The following GIN1 variants were observed in gnomAD, a reference collection of about 807,000 sequenced individuals.
The protein encoded by GIN1 is gypsy retrotransposon integrase-like protein 1.
A neutral mutation model predicts 51.4 loss-of-function variants in GIN1; 41 were observed. The observed-to-expected ratio is 0.80, with a 90% CI of 0.62 to 1.04. The LOEUF is 1.04. Ranked by LOEUF, GIN1 falls within the 50% of genes least tolerant of loss-of-function variation. The pLI is 0.00. For missense variants in GIN1, 610 were observed against 612.4 expected (o/e 1.00, Z 0.04); for synonymous variants, 222 against 206.5 (o/e 1.07, Z -0.64).
At position 103,095,171 on chromosome 5, in the gene GIN1, A is replaced by G. The variant is rs1404726391; in HGVS notation, c.1294+1370T>C. Among the ~76,000 whole-genome samples, 7 of 152,346 alleles carry G rather than the reference A, an allele frequency of 4.6e-5. No individual in the cohort carries two copies. In the East Asian group the frequency reaches 1.2e-3, roughly 25 times the overall value. ...ATAAATATATTTTCCATTAAATGTT[A>G]CTTATATCCAAATAATATTAATGTT... On this transcript the variant is annotated intron_variant, in intron 7 of 7. Coordinates refer to ENST00000399004, the MANE Select transcript of GIN1 (RefSeq NM_017676.2).
chr5:103,119,844 C>G (rs1788341049), intron 1 of GIN1, among the ~76,000 whole-genome samples: 1 of 152,184 alleles, frequency 6.6e-6, no homozygotes, highest in Admixed American at 6.5e-5. Flanking sequence ...GGCACCTCCC[C>G]AGGCCCGAAA....
At chr5:103,116,682 C>T (rs1318852865) in intron 1 of GIN1, among the ~76,000 whole-genome samples, 1 of 151,992 alleles carries the variant, frequency 6.6e-6, no homozygotes, top group Admixed American at 6.6e-5. Context: ...ATCTGCAATA[C>T]ATACATATGA....
rs1400142374 is a variant in GIN1 at position 103,117,736 on chromosome 5, T to C, written c.-8+2328A>G. Among the ~76,000 whole-genome samples the C allele has an allele frequency of 5.3e-5, 8 of 152,118 alleles. No individual in the cohort carries two copies. The East Asian group carries it at 1.3e-3, about 26-fold the overall frequency. ...CAAATAGTTATGCAGTATTTTACTATGATAATCCTCACAGTACTTCATGAA... is the reference window on the plus strand; with the variant it reads ...CAAATAGTTATGCAGTATTTTACTACGATAATCCTCACAGTACTTCATGAA... On this transcript the variant is annotated intron_variant, in intron 1 of 7. Transcript: ENST00000399004.
At chr5:103,091,796 G>A (rs1007538653) in intron 7 of GIN1, among the ~76,000 whole-genome samples, 4 of 151,896 alleles carry the variant, frequency 2.6e-5, no homozygotes, top group East Asian at 1.9e-4. Context: ...AGGCCAAGGC[G>A]GGTGGATCAC....
chr5:103,101,282 G>T (rs1787566818), intron 4 of GIN1, among the ~76,000 whole-genome samples: 1 of 152,218 alleles, frequency 6.6e-6, no homozygotes, highest in Admixed American at 6.5e-5. Context: ...AGATATGCTA[G>T]ACAAAGAGAT....
At chr5:103,097,828 A>AT in intron 4 of GIN1, 47 bp from the exon 5 acceptor site, 2 of 762,816 alleles carry the variant, frequency 2.6e-6, no homozygotes, top group Non-Finnish European at 2.1e-6. Context: ...TTTGTGTTTT[A>AT]TTTTTCCATT....
At chr5:103,092,045 G>A (rs1193874535) in intron 7 of GIN1, among the ~76,000 whole-genome samples, 10 of 151,946 alleles carry the variant, frequency 6.6e-5, no homozygotes, top group African/African-American at 2.4e-4. Flanking sequence ...AAAAGATGGG[G>A]TCTCACTCTG....
chr5:103,115,066 G>A (rs1787994287), intron 1 of GIN1, among the ~76,000 whole-genome samples: 1 of 152,184 alleles, frequency 6.6e-6, no homozygotes, highest in Non-Finnish European at 1.5e-5. Context: ...GGAGCTACAA[G>A]ATAGTTGCTA....
intron 1 of GIN1, among the ~76,000 whole-genome samples, chr5:103,112,686 C>T (rs868989399): frequency 2.1e-4 from 32 of 152,126 alleles, no homozygotes; most frequent in South Asian, 2.1e-4. Context: ...GCAAGTGTTC[C>T]ATGATCTCTG....
chr5:103,097,564 G>C, intron 5 of GIN1, 26 bp downstream of exon 5: 1 of 1,527,360 alleles, frequency 6.5e-7, no homozygotes, highest in Non-Finnish European at 9.1e-7. Context: ...TAACTCAGAA[G>C]TACAGAATTA....
At chr5:103,098,825 T>A (rs1187951394) in intron 4 of GIN1, among the ~76,000 whole-genome samples, 1 of 152,190 alleles carries the variant, frequency 6.6e-6, no homozygotes, top group African/African-American at 2.4e-5. Context: ...AAGTTAATGT[T>A]TAAAAAGCAT....
At chr5:103,089,465 C>CTCAT (rs1434431384) in intron 7 of GIN1, among the ~76,000 whole-genome samples, 14 of 149,058 alleles carry the variant, frequency 9.4e-5, no homozygotes, top group East Asian at 4.0e-4. Flanking sequence ...CATTCATTCA[C>CTCAT]TCATTCATTC....
intron 1 of GIN1, among the ~76,000 whole-genome samples, chr5:103,118,150 T>A (rs1402309245): frequency 6.6e-6 from 1 of 152,154 alleles, no homozygotes; most frequent in Admixed American, 6.5e-5. Context: ...GAATTAAAAA[T>A]TATAGCAAAT....
chr5:103,096,185 T>C (rs1245066107), intron 7 of GIN1, among the ~76,000 whole-genome samples: 1 of 150,588 alleles, frequency 6.6e-6, no homozygotes, highest in Non-Finnish European at 1.5e-5. Context: ...CTACTAAAAA[T>C]ACAAAAAATT....
intron 3 of GIN1, among the ~76,000 whole-genome samples, 154 bp from the exon 4 acceptor site, chr5:103,105,000 C>T (rs1583125686): frequency 6.6e-6 from 1 of 152,086 alleles, no homozygotes; most frequent in African/African-American, 2.4e-5. Context: ...TGGATTAAAC[C>T]TATTTAGAAT....
chr5:103,090,837 G>C (rs1326239828), intron 7 of GIN1, among the ~76,000 whole-genome samples: 1 of 151,888 alleles, frequency 6.6e-6, no homozygotes, highest in Non-Finnish European at 1.5e-5. Context: ...GAAACAAATG[G>C]ACATACCAAC....
chr5:103,114,389 C>T (rs1034215923), intron 1 of GIN1, among the ~76,000 whole-genome samples: 3 of 152,178 alleles, frequency 2.0e-5, no homozygotes, highest in African/African-American at 7.2e-5. Context: ...TATATAAGAA[C>T]TGTAACTGAC....
In GIN1 at chr5:103,087,733, T is replaced by C; in HGVS notation, c.*165A>G. Reference sequence around the variant, plus strand: ...TTGCCTTCATATGTACGTATACTGATATTCAAATGTGGCATAATTTTAGAT... The same window carrying C: ...TTGCCTTCATATGTACGTATACTGACATTCAAATGTGGCATAATTTTAGAT... On this transcript the variant is annotated 3_prime_UTR_variant, in exon 8 of 8. Transcript: ENST00000399004. The C allele has an allele frequency of 2.0e-6, 1 of 493,916 alleles. No individual in the cohort carries two copies. Among genetic ancestry groups the C allele is most frequent in the South Asian group, 3.6e-5 (1 of 27,588 alleles). The allele number at this position is 493,916 out of a possible 1,614,324, so 30.6% of individuals were successfully genotyped here.
chr5:103,106,961 A>G (rs1554196385), intron 2 of GIN1, 52 bp from the exon 3 acceptor site: 1 of 953,220 alleles, frequency 1.0e-6, no homozygotes, highest in Non-Finnish European at 1.5e-6. Context: ...AGATCTACGT[A>G]GTTTTAAGAG....
Sources: allele counts gnomAD v4.1 joint callset (sites outside exome capture counted in the v4.1 genomes callset), GRCh38; gene constraint gnomAD v4.1.1; transcripts MANE v1.5; gene names NCBI Gene and HGNC (gene_info 2026-07-23, HGNC 2026-07-21).